The following CDH7 variants were observed in gnomAD, a reference collection of about 807,000 sequenced individuals.
The protein encoded by CDH7 is cadherin 7, also known as cadherin-7.
In CDH7, 25 loss-of-function variants were observed where a neutral mutation model predicts 71.8. That is an observed-to-expected ratio of 0.35 (90% CI 0.25 to 0.49). The LOEUF is 0.49. CDH7 is among the 20% of genes least tolerant of loss of function. The pLI, the probability that CDH7 is intolerant of heterozygous loss-of-function variation, is 0.99. For missense variants in CDH7, 862 were observed against 974.6 expected (o/e 0.88, Z 1.54); for synonymous variants, 381 against 363.8 (o/e 1.05, Z -0.54).
At chr18:65,880,003 G>A (rs1346039573) in intron 11 of CDH7, among the ~76,000 whole-genome samples, 1 of 152,168 alleles carries the variant, frequency 6.6e-6, no homozygotes, top group Non-Finnish European at 1.5e-5. Context: ...TGTTAAATTA[G>A]ACACAAAACA....
chr18:65,763,593 G>GC (rs370779958), intron 2 of CDH7, among the ~76,000 whole-genome samples: 1 of 62,866 alleles, frequency 1.6e-5, no homozygotes, highest in African/African-American at 8.6e-5. Flanking sequence ...TTTGATAGGG[G>GC]GGTGTGTGTG....
chr18:65,772,800 T>C lies in CDH7; in HGVS notation c.210+9748T>C, dbSNP rs530768360. 2.0e-5 allele frequency among the ~76,000 whole-genome samples: 3 copies of C among 152,256 alleles called. No individual in the cohort carries two copies. The East Asian group carries it at 5.8e-4, about 29-fold the overall frequency. The stretch of plus-strand genomic sequence containing the variant: ...TTATTACAAAGGCTAAGTTATCTTC[T>C]AGACTGATGATGGAAAATACATACG... On this transcript the variant is annotated intron_variant, in intron 2 of 11. Coordinates refer to ENST00000397968, the MANE Select transcript of CDH7 (RefSeq NM_004361.5).
At chr18:65,845,444 T>C (rs1912903658) in intron 7 of CDH7, among the ~76,000 whole-genome samples, 1 of 152,070 alleles carries the variant, frequency 6.6e-6, no homozygotes, top group Non-Finnish European at 1.5e-5. Flanking sequence ...CCTTCCCCTC[T>C]TCTCTGTAAT....
intron 11 of CDH7, among the ~76,000 whole-genome samples, chr18:65,878,871 T>C (rs1914141876): frequency 6.6e-6 from 1 of 152,098 alleles, no homozygotes; most frequent in Non-Finnish European, 1.5e-5. Flanking sequence ...AGGCCATCCA[T>C]AAAGTGTAAA....
chr18:65,863,124 G>T, intron 11 of CDH7: 1 of 597,536 alleles, frequency 1.7e-6, no homozygotes, highest in African/African-American at 1.9e-5. Flanking sequence ...TGCAGCCTCT[G>T]CCTCCCAGGT....
chr18:65,767,435 G>C (rs1268393667), intron 2 of CDH7, among the ~76,000 whole-genome samples: 1 of 152,010 alleles, frequency 6.6e-6, no homozygotes, highest in Non-Finnish European at 1.5e-5. Flanking sequence ...ATACAGAAAA[G>C]GTCAATAATG....
chr18:65,857,911 C>G lies in CDH7; in HGVS notation c.1331C>G (p.Thr444Arg). 6.2e-7 allele frequency: 1 copy of G among 1,613,648 alleles called. No individual in the cohort carries two copies. The highest frequency in any genetic ancestry group is 2.2e-5 in the East Asian group (1 of 44,834). The change falls in exon 8 of 12, where the codon ACA (threonine) becomes AGA (arginine). Residue 444 changes from threonine to arginine, a missense_variant. Coordinates refer to ENST00000397968, the MANE Select transcript of CDH7 (RefSeq NM_004361.5). ...ACTGCCAAGTCTTTGGATCGAGAGA[C>G]AAATGCTATTCACAATATCACAGTC... ...ITTAKSLDRE[T>R]NAIHNITVLA...
At position 65,885,648 on chromosome 18, in the gene CDH7, G is replaced by C. The variant is rs1914358533; in HGVS notation, c.*4754G>C. On this transcript the variant is annotated 3_prime_UTR_variant, in exon 12 of 12. Transcript: ENST00000397968. The stretch of plus-strand genomic sequence containing the variant: ...CCCAAAGTGCTGGGATTACAGGCGT[G>C]AGCCACCGCGCCCGGCCCTGTGTGT... 1 of 151,888 alleles carries C rather than the reference G, an allele frequency of 6.6e-6. No individual in the cohort carries two copies. The highest frequency in any genetic ancestry group is 1.5e-5 in the Non-Finnish European group (1 of 68,098). 9.4% of individuals were successfully genotyped at this position (151,888 alleles called of 1,614,324 possible). A position where few individuals can be genotyped will look rare whatever the true frequency, so the allele number is the denominator to read the frequency against.
rs139608003 is a variant in CDH7 at position 65,880,812 on chromosome 18, A to T, written c.2276A>T (p.Tyr759Phe). The T allele has an allele frequency of 2.0e-5, 33 of 1,614,038 alleles. No homozygotes were observed. The highest frequency in any genetic ancestry group is 2.8e-5 in the Non-Finnish European group (33 of 1,179,942). The change falls in exon 12 of 12, where the codon TAT becomes TTT. Residue 759 changes from tyrosine to phenylalanine, a missense_variant. By Grantham distance (22) the Tyr-to-Phe change is conservative. Coordinates refer to ENST00000397968, the MANE Select transcript of CDH7 (RefSeq NM_004361.5). ...ATCAGCTCAAACTCTGATCAGAACTATGACTACCTAAGTGACTGGGGACCT... is the reference window on the plus strand; with the variant it reads ...ATCAGCTCAAACTCTGATCAGAACTTTGACTACCTAAGTGACTGGGGACCT... Reference protein sequence around the residue: ...DSISSNSDQNYDYLSDWGPRF... With the variant: ...DSISSNSDQNFDYLSDWGPRF...
intron 1 of CDH7, among the ~76,000 whole-genome samples, chr18:65,753,279 T>C (rs1166261256): frequency 6.6e-6 from 1 of 152,244 alleles, no homozygotes; most frequent in African/African-American, 2.4e-5. Flanking sequence ...AATATATTTT[T>C]GTGTTGAGCA....
intron 2 of CDH7, among the ~76,000 whole-genome samples, chr18:65,791,624 G>T (rs1910715869): frequency 6.6e-6 from 1 of 152,142 alleles, no homozygotes; most frequent in African/African-American, 2.4e-5. Flanking sequence ...CTCAGTGCAT[G>T]AACTAGTCCA....
chr18:65,880,692 A>G lies in CDH7; in HGVS notation c.2156A>G (p.Asp719Gly). ...EFIWERLKEA[D>G]VDPGAPPYDS... ...ATTTGGGAAAGATTAAAAGAAGCCG[A>G]TGTTGATCCTGGTGCTCCTCCTTAT... Residue 719 changes from aspartate (D) to glycine (G), a missense_variant, in exon 12 of 12, where the codon GAT becomes GGT. Physicochemically the swap from Asp to Gly is moderately conservative, Grantham distance 94. Coordinates refer to ENST00000397968, the MANE Select transcript of CDH7 (RefSeq NM_004361.5). 3 of 1,614,078 alleles carry G rather than the reference A, an allele frequency of 1.9e-6. No homozygotes were observed. Among genetic ancestry groups the G allele is most frequent in the Non-Finnish European group, 2.5e-6 (3 of 1,179,994 alleles).
At chr18:65,790,415 C>T (rs907085301) in intron 2 of CDH7, among the ~76,000 whole-genome samples, 2 of 151,632 alleles carry the variant, frequency 1.3e-5, no homozygotes, top group African/African-American at 4.8e-5. Context: ...TAACAGGGCC[C>T]CTTGAGAGTG....
chr18:65,854,940 CAT>C (rs1341616527), intron 7 of CDH7, among the ~76,000 whole-genome samples: 4 of 61,878 alleles, frequency 6.5e-5, no homozygotes, highest in Non-Finnish European at 1.8e-4. Context: ...TATACACACA[CAT>C]ATATATACAC....
chr18:65,866,365 G>A, intron 11 of CDH7: 1 of 111,722 alleles, frequency 9.0e-6, no homozygotes, highest in African/African-American at 3.6e-5. Context: ...AACTATAGAA[G>A]TACCTGGACT....
chr18:65,781,899 T>A (rs1321012321), intron 2 of CDH7, among the ~76,000 whole-genome samples: 3 of 57,926 alleles, frequency 5.2e-5, no homozygotes, highest in Non-Finnish European at 9.7e-5. Context: ...TCTCTTTCTC[T>A]CTATCTTTCT....
intron 2 of CDH7, among the ~76,000 whole-genome samples, chr18:65,765,309 G>T (rs1916321428): frequency 6.6e-6 from 1 of 151,932 alleles, no homozygotes; most frequent in African/African-American, 2.4e-5. Flanking sequence ...AAATGGCAGA[G>T]AACTTGATTA....
chr18:65,862,642 A>T (rs1913607340), intron 10 of CDH7, 24 bp from the exon 11 acceptor site: 1 of 1,609,552 alleles, frequency 6.2e-7, no homozygotes, highest in Non-Finnish European at 8.5e-7. Context: ...ATCTGGTGTT[A>T]TACATTTGCT....
intron 7 of CDH7, among the ~76,000 whole-genome samples, chr18:65,854,181 G>A (rs777724507): frequency 1.3e-5 from 2 of 151,464 alleles, no homozygotes; most frequent in Non-Finnish European, 2.9e-5. Context: ...TGGCCCATGT[G>A]TGTAGACCTT....
Sources: allele counts gnomAD v4.1 joint callset (sites outside exome capture counted in the v4.1 genomes callset), GRCh38; gene constraint gnomAD v4.1.1; transcripts MANE v1.5; gene names NCBI Gene and HGNC (gene_info 2026-07-23, HGNC 2026-07-21).